The following FARSB variants were observed in gnomAD, a reference collection of about 807,000 sequenced individuals.
The protein encoded by FARSB is phenylalanyl-tRNA synthetase subunit beta.
A neutral mutation model predicts 69.6 loss-of-function variants in FARSB; 40 were observed. That is an observed-to-expected ratio of 0.57 (90% CI 0.45 to 0.75). The LOEUF (loss-of-function observed/expected upper bound fraction) is 0.75. Ranked by LOEUF, FARSB falls within the 30% of genes least tolerant of loss-of-function variation. The pLI is 0.00. For missense variants in FARSB, 632 were observed against 722.9 expected, an observed-to-expected ratio of 0.87 and a Z score of 1.44; for synonymous variants, 235 against 247.2, an observed-to-expected ratio of 0.95 and a Z score of 0.46.
At chr2:222,629,249 A>G (rs1219979670) in intron 9 of FARSB, among the ~76,000 whole-genome samples, 4 of 152,046 alleles carry the variant, frequency 2.6e-5, no homozygotes, top group African/African-American at 4.8e-5. Context: ...AAATCAGTTG[A>G]AAAAAAACTG....
chr2:222,577,361 C>A (rs759109448), intron 16 of FARSB, among the ~76,000 whole-genome samples: 1 of 152,146 alleles, frequency 6.6e-6, no homozygotes, highest in Non-Finnish European at 1.5e-5. Flanking sequence ...AGTTTAATGA[C>A]CATCTTTCAT....
Position 222,627,509 on chromosome 2 carries a change from T to C in FARSB, c.900+1328A>G, listed in dbSNP as rs140465260. 1.3e-3 allele frequency among the ~76,000 whole-genome samples: 203 copies of C among 152,288 alleles called. 1 individual carries two copies. Among genetic ancestry groups the C allele is most frequent in the African/African-American group, 4.7e-3 (194 of 41,564 alleles). On this transcript the variant is annotated intron_variant, in intron 10 of 16. Transcript: ENST00000281828. Reference sequence around the variant, plus strand: ...TAAGCCCAGCAGAGATTAGCCAAACTTGCTCAGACCAGGAAAACCACCCTA... The same window carrying C: ...TAAGCCCAGCAGAGATTAGCCAAACCTGCTCAGACCAGGAAAACCACCCTA...
intron 1 of FARSB, among the ~76,000 whole-genome samples, chr2:222,649,705 T>C (rs1691977787): frequency 6.6e-6 from 1 of 152,268 alleles, no homozygotes; most frequent in African/African-American, 2.4e-5. Flanking sequence ...CCTGGCATAG[T>C]ACCCTGAGAC....
At chr2:222,580,307 A>G (rs1230150595) in intron 16 of FARSB, among the ~76,000 whole-genome samples, 3 of 152,104 alleles carry the variant, frequency 2.0e-5, no homozygotes, top group Non-Finnish European at 4.4e-5. Context: ...ATTATTCATT[A>G]GTATAAATAA....
chr2:222,639,561 A>G lies in FARSB; in HGVS notation c.455+19T>C. On this transcript the variant is annotated intron_variant, in intron 5 of 16. Coordinates refer to ENST00000281828, the MANE Select transcript of FARSB (RefSeq NM_005687.5). ...AGGGAAAGGGGAAGGCAAGGAAGAA[A>G]GAAAATGCAACCACAAACCTGCAAA... 1.6e-6 allele frequency: 2 copies of G among 1,260,022 alleles called. No homozygotes were observed. Among genetic ancestry groups the G allele is most frequent in the Non-Finnish European group, 2.3e-6 (2 of 881,002 alleles). The allele number at this position is 1,260,022 out of a possible 1,614,324, so 78.1% of individuals were successfully genotyped here.
chr2:222,625,048 C>T (rs1691233739), intron 10 of FARSB, among the ~76,000 whole-genome samples: 1 of 152,148 alleles, frequency 6.6e-6, no homozygotes, highest in Non-Finnish European at 1.5e-5. Context: ...ATAGTCATTC[C>T]CCATTCCCCA....
chr2:222,571,883 T>G lies in FARSB; in HGVS notation c.1758A>C (p.Gly586=), dbSNP rs1689724730. 2 of 1,609,950 alleles carry G rather than the reference T, an allele frequency of 1.2e-6. No homozygotes were observed. The highest frequency in any genetic ancestry group is 1.3e-5 in the African/African-American group (1 of 74,114). The change falls in exon 17 of 17, where the codon GGA becomes GGC. Residue 586 remains glycine, a synonymous_variant. Transcript: ENST00000281828. ...CAGAGACCAATCTTCACAAAAAGGG[T>G]CCAACATTGATTTCTAGGGAGGAGC... is the stretch of plus-strand genomic sequence containing the variant. ...MPCSSLEINV[G]PFL is the part of the protein sequence containing the mutation.
rs564005772 is a variant in FARSB at position 222,640,714 on chromosome 2, C to T, written c.339+148G>A. On this transcript the variant is annotated intron_variant, in intron 4 of 16. Transcript: ENST00000281828. ...GAGGTTGCAGTGAGCCAAGACTGCA[C>T]CACTGCATTCCAGTCTGGGCAAAAG... 2.0e-4 allele frequency: 108 copies of T among 544,354 alleles called. No homozygotes were observed. The South Asian group carries it at 2.5e-3, about 12-fold the overall frequency. The allele number at this position is 544,354 out of a possible 1,614,324, so 33.7% of individuals were successfully genotyped here.
At chr2:222,593,420 C>A (rs960363465) in intron 16 of FARSB, among the ~76,000 whole-genome samples, 1 of 152,180 alleles carries the variant, frequency 6.6e-6, no homozygotes, top group African/African-American at 2.4e-5. Context: ...AAGACTCTAT[C>A]CATTGCTAGA....
chr2:222,654,524 G>C (rs889650231), intron 1 of FARSB, among the ~76,000 whole-genome samples: 1 of 152,142 alleles, frequency 6.6e-6, no homozygotes, highest in Non-Finnish European at 1.5e-5. Flanking sequence ...TTATTAACCT[G>C]TACCACATCC....
intron 11 of FARSB, 33 bp downstream of exon 11, chr2:222,624,681 G>A (rs772062026): frequency 1.4e-6 from 2 of 1,465,484 alleles, no homozygotes; most frequent in Non-Finnish European, 1.9e-6. Flanking sequence ...CGTGTACTTT[G>A]TTCTTGAATT....
chr2:222,638,990 C>T (rs1369102533), intron 5 of FARSB, among the ~76,000 whole-genome samples: 1 of 152,178 alleles, frequency 6.6e-6, no homozygotes, highest in Admixed American at 6.5e-5. Flanking sequence ...TTGTTACCTT[C>T]ACTGACCTTT....
rs1289085385 is a variant in FARSB, at chr2:222,646,265, A to G, written c.114+2475T>C. ...CCATTCAGGCATGTCTTTAACTTCT[A>G]CTTCCCGGTACTGCCTGCCACAATT... On this transcript the variant is annotated intron_variant, in intron 2 of 16. Transcript: ENST00000281828. 2.6e-5 allele frequency among the ~76,000 whole-genome samples: 4 copies of G among 152,158 alleles called. No homozygotes were observed. In the East Asian group the frequency reaches 7.7e-4, roughly 29 times the overall value.
chr2:222,579,250 G>A lies in FARSB; in HGVS notation c.1619-7228C>T, dbSNP rs182730780. Among the ~76,000 whole-genome samples, 7 of 152,316 alleles carry A rather than the reference G, an allele frequency of 4.6e-5. No individual in the cohort carries two copies. In the East Asian group the frequency reaches 1.4e-3, roughly 29 times the overall value. On this transcript the variant is annotated intron_variant, in intron 16 of 16. Coordinates refer to ENST00000281828, the MANE Select transcript of FARSB (RefSeq NM_005687.5). ...AGGCACATAAGGCCTAAAGCAGAAT[G>A]TTTTTAAGCTTTTGGTCAAGCTGTC...
In FARSB at chr2:222,634,512, T is replaced by C; in HGVS notation, c.485A>G (p.His162Arg). 6.2e-7 allele frequency: 1 copy of C among 1,612,978 alleles called. No homozygotes were observed. Among genetic ancestry groups the C allele is most frequent in the Non-Finnish European group, 8.5e-7 (1 of 1,179,518 alleles). ...RKRALVAIGT[H>R]DLDTLSGPFT... Reference sequence around the variant, plus strand: ...TGGGCCCGACAAAGTGTCCAAATCATGGGTACCAATGGCAACCAGTGCTCT... The same window carrying C: ...TGGGCCCGACAAAGTGTCCAAATCACGGGTACCAATGGCAACCAGTGCTCT... Residue 162 changes from histidine (H) to arginine (R), a missense_variant, in exon 6 of 17, where the codon CAT (histidine) becomes CGT (arginine). By Grantham distance (29) the His-to-Arg change is conservative. Coordinates refer to ENST00000281828, the MANE Select transcript of FARSB (RefSeq NM_005687.5).
At chr2:222,634,295 A>G (rs1691517040) in intron 6 of FARSB, 96 bp downstream of exon 6, 1 of 836,638 alleles carries the variant, frequency 1.2e-6, no homozygotes, top group Non-Finnish European at 1.8e-6. Context: ...GCTATTTTTT[A>G]AAAGTATTGA....
At position 222,568,632 on chromosome 2, in the gene FARSB, A is replaced by G. The variant is rs1214392681; in HGVS notation, c.*3239T>C. On this transcript the variant is annotated 3_prime_UTR_variant, in exon 17 of 17. Coordinates refer to ENST00000281828, the MANE Select transcript of FARSB (RefSeq NM_005687.5). This position sits in a 1 kb window ranked among gnomAD's most constrained non-coding sequence, Gnocchi z 4.3. ...AGGTGGACAGATCGCCTGAGGTCAG[A>G]AGTTCGAGACCAGCCTAGCTAACGT... 2 of 152,192 alleles carry G rather than the reference A, an allele frequency of 1.3e-5. No individual in the cohort carries two copies. The highest frequency in any genetic ancestry group is 2.9e-5 in the Non-Finnish European group (2 of 68,044). The allele number at this position is 152,192 out of a possible 1,614,324, so 9.4% of individuals were successfully genotyped here.
chr2:222,629,669 G>A (rs79412223), intron 9 of FARSB, among the ~76,000 whole-genome samples: 14 of 152,268 alleles, frequency 9.2e-5, no homozygotes, highest in East Asian at 1.9e-4. Flanking sequence ...ATATTTATGC[G>A]TATGTCTTAT....
At chr2:222,575,254 A>G (rs763692727) in intron 16 of FARSB, among the ~76,000 whole-genome samples, 1 of 152,268 alleles carries the variant, frequency 6.6e-6, no homozygotes, top group Non-Finnish European at 1.5e-5. Flanking sequence ...AGAAATAAAA[A>G]CAGTCACATC....
Sources: gnomAD v4.1 joint callset for allele counts (sites outside exome capture counted in the v4.1 genomes callset) on GRCh38, gnomAD v4.1.1 for gene constraint, Gnocchi (gnomAD v3.1) non-coding constraint, MANE v1.5 for transcripts, NCBI Gene and HGNC (gene_info 2026-07-23, HGNC 2026-07-21) for gene names.